The following THEMIS variants were observed in gnomAD, a reference collection of about 807,000 sequenced individuals.
The protein encoded by THEMIS is thymocyte selection associated.
A neutral mutation model predicts 52.6 loss-of-function variants in THEMIS; 37 were observed. That is an observed-to-expected ratio of 0.70 (90% CI 0.54 to 0.93). The LOEUF is 0.93. Ranked by LOEUF, THEMIS falls within the 40% of genes least tolerant of loss-of-function variation. THEMIS has a pLI of 0.00. For synonymous variants in THEMIS, 292 were observed against 272.7 expected (o/e 1.07, Z -0.70); for missense variants, 808 against 763.1 (o/e 1.06, Z -0.69).
intron 1 of THEMIS, among the ~76,000 whole-genome samples, chr6:127,861,619 C>T (rs141992323): frequency 5.4e-4 from 82 of 151,608 alleles, no homozygotes; most frequent in African/African-American, 2.0e-3. Context: ...CCTGTCTCTA[C>T]TAAAAATACA....
chr6:127,753,987 T>G (rs1390510573), intron 4 of THEMIS, among the ~76,000 whole-genome samples: 1 of 152,120 alleles, frequency 6.6e-6, no homozygotes, highest in Non-Finnish European at 1.5e-5. Context: ...TATATATCTA[T>G]GGCCTTAATG....
intron 3 of THEMIS, among the ~76,000 whole-genome samples, chr6:127,825,611 C>A (rs1778481536): frequency 6.6e-6 from 1 of 152,176 alleles, no homozygotes; most frequent in Non-Finnish European, 1.5e-5. Context: ...AGCTAGTCAA[C>A]ACAGACACAA....
chr6:127,875,233 T>A (rs1375350511), intron 1 of THEMIS, among the ~76,000 whole-genome samples: 2 of 152,250 alleles, frequency 1.3e-5, no homozygotes, highest in Non-Finnish European at 2.9e-5. Context: ...TACAACTGCA[T>A]ATGAATCTGC....
At chr6:127,803,730 C>T (rs190489790) in intron 4 of THEMIS, among the ~76,000 whole-genome samples, 8 of 152,274 alleles carry the variant, frequency 5.3e-5, no homozygotes, top group Admixed American at 3.3e-4. Flanking sequence ...TCTCAACTTT[C>T]TTCACATCAG....
chr6:127,775,945 T>C (rs536382869), intron 4 of THEMIS, among the ~76,000 whole-genome samples: 1 of 152,326 alleles, frequency 6.6e-6, no homozygotes, highest in South Asian at 2.1e-4. Flanking sequence ...AGATTGGCAC[T>C]TTTGTTTTCA....
chr6:127,763,027 T>C (rs1465822792), intron 4 of THEMIS, among the ~76,000 whole-genome samples: 1 of 151,678 alleles, frequency 6.6e-6, no homozygotes, highest in Non-Finnish European at 1.5e-5. Flanking sequence ...ATTGGGGAAA[T>C]GAAAGGAAAG....
intron 2 of THEMIS, among the ~76,000 whole-genome samples, chr6:127,847,990 C>T (rs557211934): frequency 1.5e-3 from 230 of 150,888 alleles, no homozygotes; most frequent in African/African-American, 5.0e-3. Context: ...CATATGTACA[C>T]GTGTGCCATG....
At chr6:127,805,173 G>A (rs1390123113) in intron 4 of THEMIS, among the ~76,000 whole-genome samples, 4 of 151,862 alleles carry the variant, frequency 2.6e-5, no homozygotes, top group Non-Finnish European at 5.9e-5. Context: ...ATCTAAAATC[G>A]TCTGTGTAAT....
intron 4 of THEMIS, among the ~76,000 whole-genome samples, chr6:127,748,760 T>C (rs188489675): frequency 7.2e-5 from 11 of 152,182 alleles, no homozygotes; most frequent in Admixed American, 6.6e-4. Flanking sequence ...CTACAAAACC[T>C]TGAGAAAGTC....
intron 4 of THEMIS, among the ~76,000 whole-genome samples, chr6:127,750,913 G>A (rs117319620): frequency 1.5e-3 from 221 of 151,668 alleles, no homozygotes; most frequent in Non-Finnish European, 3.0e-3. Context: ...ACTTTCCCAG[G>A]CAAACAAAAG....
chr6:127,703,035 G>GATTTTTTTTTTTTT, the THEMIS span, among the ~76,000 whole-genome samples: 1 of 82,352 alleles, frequency 1.2e-5, no homozygotes, highest in Non-Finnish European at 2.1e-5. Flanking sequence ...TTTAGAATGA[G>GATTTTTTTTTTTTT]TTTTTTTTTT....
chr6:127,896,172 A>G (rs1780961235), intron 1 of THEMIS, among the ~76,000 whole-genome samples: 2 of 151,606 alleles, frequency 1.3e-5, no homozygotes, highest in South Asian at 4.1e-4. Flanking sequence ...AACAAACATC[A>G]TGAATGGTGG....
intron 1 of THEMIS, among the ~76,000 whole-genome samples, chr6:127,855,729 C>A (rs1160111815): frequency 6.6e-6 from 1 of 151,864 alleles, no homozygotes; most frequent in Non-Finnish European, 1.5e-5. Context: ...AAGCTAGAAA[C>A]CATTCTGAGT....
chr6:127,722,267 A>G (rs1774387741), intron 4 of THEMIS, among the ~76,000 whole-genome samples: 1 of 151,906 alleles, frequency 6.6e-6, no homozygotes, highest in Non-Finnish European at 1.5e-5. Flanking sequence ...GTCCTAACGT[A>G]AAGGGAGGTA....
At chr6:127,878,247 C>T (rs1780374393) in intron 1 of THEMIS, among the ~76,000 whole-genome samples, 1 of 152,180 alleles carries the variant, frequency 6.6e-6, no homozygotes, top group Admixed American at 6.5e-5. Context: ...GCCCTATGCT[C>T]TACCGTTCCA....
At chr6:127,748,549 C>T (rs75075466) in intron 4 of THEMIS, among the ~76,000 whole-genome samples, 2,634 of 152,120 alleles carry the variant, frequency 0.017, 83 homozygotes, top group African/African-American at 0.061. Context: ...AAAGTCTCCA[C>T]CTCCTAATAC....
At position 127,895,798 on chromosome 6, in the gene THEMIS, C is replaced by T. The variant is rs938081478; in HGVS notation, c.91+5044G>A. 4.0e-5 allele frequency among the ~76,000 whole-genome samples: 6 copies of T among 151,304 alleles called. No homozygotes were observed. In the South Asian group the frequency reaches 6.2e-4, roughly 16 times the overall value. ...AAATTCTACTAAATATTTAAATAAG[C>T]GATAACACCAAAGTTACATAAAATC... On this transcript the variant is annotated intron_variant, in intron 1 of 5. Transcript: ENST00000368248.
intron 4 of THEMIS, among the ~76,000 whole-genome samples, chr6:127,764,572 T>G (rs1776130129): frequency 6.6e-6 from 1 of 152,044 alleles, no homozygotes; most frequent in African/African-American, 2.4e-5. Flanking sequence ...ATTTCAGGCC[T>G]TATTTCCTAA....
At chr6:127,827,658 C>CA (rs1253724221) in intron 3 of THEMIS, among the ~76,000 whole-genome samples, 1 of 152,120 alleles carries the variant, frequency 6.6e-6, no homozygotes, top group Non-Finnish European at 1.5e-5. Flanking sequence ...AGGCTGGGAA[C>CA]AAGTTTGGCT....
Sources: allele counts gnomAD v4.1 joint callset (sites outside exome capture counted in the v4.1 genomes callset), GRCh38; gene constraint gnomAD v4.1.1; transcripts MANE v1.5; gene names NCBI Gene and HGNC (gene_info 2026-07-23, HGNC 2026-07-21).